The following GGNBP2 variants were observed in gnomAD, a reference collection of about 807,000 sequenced individuals.
The protein encoded by GGNBP2 is gametogenetin binding protein 2.
Under a neutral mutation model 85.9 loss-of-function variants are expected in GGNBP2, and 10 were observed. The observed-to-expected ratio is 0.12, with a 90% CI of 0.07 to 0.20. The LOEUF is 0.20. Ranked by LOEUF, GGNBP2 falls within the 10% of genes least tolerant of loss-of-function variation. The pLI is 1.00. For missense variants in GGNBP2, 595 were observed against 857.8 expected (o/e 0.69, Z 3.83); for synonymous variants, 287 against 285.7 (o/e 1.00, Z -0.05).
chr17:36,564,581 T>C (rs2074450707), intron 5 of GGNBP2, among the ~76,000 whole-genome samples: 2 of 152,210 alleles, frequency 1.3e-5, no homozygotes, highest in East Asian at 3.8e-4. Flanking sequence ...TAATTGATCT[T>C]AAGTGGTGTC....
At chr17:36,577,768 C>G in intron 6 of GGNBP2, 3 of 588,426 alleles carry the variant, frequency 5.1e-6, no homozygotes, top group Non-Finnish European at 9.1e-6. Context: ...ATGTGTTTCT[C>G]TAGTTTAAAA....
chr17:36,589,149 C>T, intron 13 of GGNBP2, 59 bp from the exon 14 acceptor site: 1 of 1,222,100 alleles, frequency 8.2e-7, no homozygotes, highest in Non-Finnish European at 1.2e-6. Flanking sequence ...CTGTCCTCCT[C>T]CATTACATAA....
rs557550029 is a variant in GGNBP2 at position 36,577,822 on chromosome 17, A to C, written c.642-161A>C. On this transcript the variant is annotated intron_variant, in intron 6 of 13. Coordinates refer to ENST00000613102, the MANE Select transcript of GGNBP2 (RefSeq NM_024835.5). ...TCTATCTGTATTTATGCAATCCCTA[A>C]ATTTGTATTTACCTTATGTGCGTAT... The C allele has an allele frequency of 4.6e-6, 3 of 645,180 alleles. No homozygotes were observed. The Admixed American group carries it at 7.7e-5, about 17-fold the overall frequency. 40.0% of individuals were successfully genotyped at this position (645,180 alleles called of 1,614,324 possible).
At chr17:36,546,615 A>G (rs1448394646) in intron 2 of GGNBP2, 1 of 152,208 alleles carries the variant, frequency 6.6e-6, no homozygotes, top group African/African-American at 2.4e-5. Flanking sequence ...TTAAAAGGAA[A>G]TGGCTGAAAT....
Position 36,560,780 on chromosome 17 carries a change from C to G in GGNBP2, c.436C>G (p.Leu146Val), listed in dbSNP as rs1327481889. 6.5e-7 allele frequency: 1 copy of G among 1,540,702 alleles called. No homozygotes were observed. The highest frequency in any genetic ancestry group is 8.9e-7 in the Non-Finnish European group (1 of 1,128,696). The change falls in exon 5 of 14, where the codon CTA (leucine) becomes GTA (valine). Residue 146 changes from leucine (L) to valine (V), a missense_variant. Transcript: ENST00000613102. ...YTLFYVHGSKLNDMIDAIPKS... is the reference protein window; with the variant it reads ...YTLFYVHGSKVNDMIDAIPKS... Reference sequence around the variant, plus strand: ...TGTTTTATTTTTAATTAGGTCCAAACTAAATGACATGATAGATGCTATTCC... The same window carrying G: ...TGTTTTATTTTTAATTAGGTCCAAAGTAAATGACATGATAGATGCTATTCC...
At chr17:36,550,618 G>GT (rs776993164) in intron 2 of GGNBP2, among the ~76,000 whole-genome samples, 88 of 152,066 alleles carry the variant, frequency 5.8e-4, no homozygotes, top group African/African-American at 1.0e-3. Flanking sequence ...CTAAAAACAG[G>GT]TTTTTTTTGT....
chr17:36,558,291 T>TA (rs2074382890), intron 4 of GGNBP2, among the ~76,000 whole-genome samples: 1 of 150,074 alleles, frequency 6.7e-6, no homozygotes, highest in African/African-American at 2.5e-5. Flanking sequence ...GGCGGGTCCC[T>TA]GTAATCCCAG....
intron 6 of GGNBP2, chr17:36,574,861 G>A: frequency 1.4e-6 from 1 of 710,032 alleles, no homozygotes; most frequent in Non-Finnish European, 2.5e-6. Flanking sequence ...GGACAATAGA[G>A]AGCTTGGCCA....
intron 6 of GGNBP2, among the ~76,000 whole-genome samples, chr17:36,573,366 G>T (rs964738385): frequency 1.3e-5 from 2 of 152,162 alleles, no homozygotes; most frequent in Middle Eastern, 3.4e-3. Flanking sequence ...ATTCGCCTCG[G>T]TCTCCCAAAG....
At chr17:36,550,452 A>G (rs1321253857) in intron 2 of GGNBP2, among the ~76,000 whole-genome samples, 1 of 152,224 alleles carries the variant, frequency 6.6e-6, no homozygotes, top group Admixed American at 6.5e-5. Context: ...TGTAATTGTT[A>G]AAAGTTAGCA....
intron 9 of GGNBP2, chr17:36,582,551 G>A (rs923163439): frequency 2.0e-5 from 3 of 152,142 alleles, no homozygotes; most frequent in Non-Finnish European, 2.9e-5. Flanking sequence ...GATATGGAGG[G>A]TTAACTGTAT....
In GGNBP2 at chr17:36,579,568, T is replaced by C; in HGVS notation, c.1020+149T>C. Reference sequence around the variant, plus strand: ...TGGATATTGTTACATGGCTTTGGGTTGGAGTGGGGGTGGTCTAGGGAACTG... The same window carrying C: ...TGGATATTGTTACATGGCTTTGGGTCGGAGTGGGGGTGGTCTAGGGAACTG... On this transcript the variant is annotated intron_variant, in intron 8 of 13. Coordinates refer to ENST00000613102, the MANE Select transcript of GGNBP2 (RefSeq NM_024835.5). 3 of 658,192 alleles carry C rather than the reference T, an allele frequency of 4.6e-6. No individual in the cohort carries two copies. The South Asian group carries it at 6.1e-5, about 13-fold the overall frequency. The allele number at this position is 658,192 out of a possible 1,614,324, so 40.8% of individuals were successfully genotyped here.
chr17:36,552,560 A>G (rs1320249645), intron 2 of GGNBP2, among the ~76,000 whole-genome samples: 1 of 152,186 alleles, frequency 6.6e-6, no homozygotes, highest in Non-Finnish European at 1.5e-5. Flanking sequence ...AATACACATG[A>G]AGTGTCTTTA....
chr17:36,562,928 T>C (rs1039152626), intron 5 of GGNBP2, among the ~76,000 whole-genome samples: 1 of 111,252 alleles, frequency 9.0e-6, no homozygotes, highest in African/African-American at 3.6e-5. Flanking sequence ...TCGTGTCGCC[T>C]GGGCGACAGA....
intron 6 of GGNBP2, 87 bp from the exon 7 acceptor site, chr17:36,577,892 GGAGA>G: frequency 1.1e-6 from 1 of 942,820 alleles, no homozygotes; most frequent in Non-Finnish European, 1.7e-6. Flanking sequence ...GCTGTAGATG[GGAGA>G]GAGTGCCATC....
chr17:36,577,901 G>A (rs756922718), intron 6 of GGNBP2, 82 bp from the exon 7 acceptor site: 3 of 1,020,844 alleles, frequency 2.9e-6, no homozygotes, highest in South Asian at 2.6e-5. Flanking sequence ...GGGAGAGAGT[G>A]CCATCATCTA....
At chr17:36,568,078 G>A (rs62070737) in intron 6 of GGNBP2, among the ~76,000 whole-genome samples, 20,829 of 151,702 alleles carry the variant, frequency 0.14, 1,898 homozygotes, top group Non-Finnish European at 0.2. Context: ...GGCATACGCC[G>A]CCACACCCAG....
chr17:36,572,954 TTTAC>T (rs1168792561), intron 6 of GGNBP2, among the ~76,000 whole-genome samples: 1 of 152,080 alleles, frequency 6.6e-6, no homozygotes, highest in African/African-American at 2.4e-5. Flanking sequence ...ATTGGCTTAT[TTTAC>T]TTAGCCATTA....
In GGNBP2 at chr17:36,557,166, T is replaced by C. The variant is rs1253166894; in HGVS notation, c.258T>C (p.Leu86=). Residue 86 remains leucine, a synonymous_variant, in exon 4 of 14, where the codon CTT becomes CTC. Transcript: ENST00000613102. ...AAGTCCTGAGTGCACTTTCTCAGCT[T>C]GTCCCATGTGTTGGTTGTCGTCGCA... ...SREVLSALSQ[L]VPCVGCRRSV... 4.3e-6 allele frequency: 7 copies of C among 1,614,050 alleles called. No individual in the cohort carries two copies. Among genetic ancestry groups the C allele is most frequent in the Non-Finnish European group, 5.9e-6 (7 of 1,180,036 alleles).
Sources: gnomAD v4.1 joint callset for allele counts (sites outside exome capture counted in the v4.1 genomes callset) on GRCh38, gnomAD v4.1.1 for gene constraint, MANE v1.5 for transcripts, NCBI Gene and HGNC (gene_info 2026-07-23, HGNC 2026-07-21) for gene names.